The following PATE4 variants were observed in gnomAD, a reference collection of about 807,000 sequenced individuals.
PATE4 encodes the protein prostate and testis expressed 4.
A neutral mutation model predicts 8.5 loss-of-function variants in PATE4; 13 were observed. That is an observed-to-expected ratio of 1.53 (90% CI 1.00 to 2.43). The LOEUF (loss-of-function observed/expected upper bound fraction) is 2.43, where lower values mean the gene tolerates loss of function less well. Ranked by LOEUF, PATE4 falls within the 30% of genes most tolerant of loss-of-function variation. The probability of loss-of-function intolerance (pLI) is 0.00; values close to 1 mark genes in which losing one functional copy is unlikely to be tolerated. For synonymous variants in PATE4, 47 were observed against 39.3 expected (o/e 1.20, Z -0.73); for missense variants, 127 against 115.5 (o/e 1.10, Z -0.46).
At chr11:125,833,950 C>T (rs1943903796) in intron 1 of PATE4, among the ~76,000 whole-genome samples, 2 of 152,074 alleles carry the variant, frequency 1.3e-5, no homozygotes, top group Non-Finnish European at 2.9e-5. Context: ...CAAACACCTC[C>T]TACACTTGGA....
Position 125,838,413 on chromosome 11 carries a change from T to C in PATE4, c.283T>C (p.Cys95Arg), listed in dbSNP as rs1943936438. Residue 95 changes from cysteine to arginine, a missense_variant, in exon 3 of 3, where the codon TGT (cysteine) becomes CGT (arginine). Coordinates refer to ENST00000457514, the MANE Select transcript of PATE4 (RefSeq NM_001144874.1). ...GACACTGTGCTGTGACAGAAACTTC[T>C]GTAATGTCTTCTAATGGAGCTTAGG... The part of the protein sequence containing the change: ...RVTLCCDRNF[C>R]NVF The C allele has an allele frequency of 6.5e-7, 1 of 1,548,264 alleles. No individual in the cohort carries two copies. The highest frequency in any genetic ancestry group is 1.4e-5 in the African/African-American group (1 of 72,824).
chr11:125,838,189 CCCAGGAG>C, intron 2 of PATE4, 110 bp from the exon 3 acceptor site: 3 of 1,243,316 alleles, frequency 2.4e-6, no homozygotes, highest in Non-Finnish European at 3.3e-6. Context: ...GGAACATGAA[CCCAGGAG>C]CCGGGAAGGA....
chr11:125,833,726 C>T (rs1369768972), intron 1 of PATE4, among the ~76,000 whole-genome samples: 3 of 152,074 alleles, frequency 2.0e-5, no homozygotes, highest in African/African-American at 7.2e-5. Flanking sequence ...CCTAGTTTTC[C>T]TTTCCTCTGG....
rs1943939355 is a variant in PATE4, at chr11:125,838,795, G to A, written c.*368G>A. ...AAAGGGACTTTGAAAATGTGATTAA[G>A]GATCTTGAGAAGGGGAGGTTATCTT... On this transcript the variant is annotated 3_prime_UTR_variant, in exon 3 of 3. Coordinates refer to ENST00000457514, the MANE Select transcript of PATE4 (RefSeq NM_001144874.1). The A allele has an allele frequency of 5.5e-6, 1 of 180,904 alleles. No individual in the cohort carries two copies. The highest frequency in any genetic ancestry group is 1.1e-5 in the Non-Finnish European group (1 of 87,768). The allele number at this position is 180,904 out of a possible 1,614,324, so 11.2% of individuals were successfully genotyped here. A position where few individuals can be genotyped will look rare whatever the true frequency, so the allele number is the denominator to read the frequency against.
At chr11:125,837,738 A>T in intron 1 of PATE4, 130 bp from the exon 2 acceptor site, 1 of 597,044 alleles carries the variant, frequency 1.7e-6, no homozygotes, top group South Asian at 2.7e-5. Flanking sequence ...TTAATCAGGA[A>T]TTCCACAAAT....
At chr11:125,833,548 C>CAG in intron 1 of PATE4, 131 bp downstream of exon 1, 1 of 784,668 alleles carries the variant, frequency 1.3e-6, no homozygotes, top group East Asian at 2.7e-5. Context: ...TTCAGGATGT[C>CAG]AGAGAGATCA....
At chr11:125,837,323 C>T (rs552652236) in intron 1 of PATE4, among the ~76,000 whole-genome samples, 52 of 152,304 alleles carry the variant, frequency 3.4e-4, no homozygotes, top group African/African-American at 1.2e-3. Flanking sequence ...AAAGGCCAGA[C>T]CAAGCCAGAT....
chr11:125,839,357 A>G lies in PATE4; in HGVS notation c.*930A>G, dbSNP rs1344795596. Reference sequence around the variant, plus strand: ...ATGCTATGAATAAATGTGGAGATCAATTTGTGGATTTTAAACTTCATGACA... The same window carrying G: ...ATGCTATGAATAAATGTGGAGATCAGTTTGTGGATTTTAAACTTCATGACA... On this transcript the variant is annotated 3_prime_UTR_variant, in exon 3 of 3. Transcript: ENST00000457514. 6.6e-6 allele frequency: 1 copy of G among 152,340 alleles called. No individual in the cohort carries two copies. The highest frequency in any genetic ancestry group is 1.9e-4 in the East Asian group (1 of 5,180). The allele number at this position is 152,340 out of a possible 1,614,324, so 9.4% of individuals were successfully genotyped here.
At chr11:125,835,602 T>C (rs923140260) in intron 1 of PATE4, 1 of 152,176 alleles carries the variant, frequency 6.6e-6, no homozygotes, top group South Asian at 2.1e-4. Context: ...GAATATTTTT[T>C]GTGGGGGAAA....
chr11:125,837,355 C>A (rs1240423087), intron 1 of PATE4, among the ~76,000 whole-genome samples: 5 of 152,140 alleles, frequency 3.3e-5, no homozygotes, highest in Non-Finnish European at 5.9e-5. Flanking sequence ...AGGGTGTAAT[C>A]TCAGACAGTC....
chr11:125,835,599 T>A (rs1943914446), intron 1 of PATE4: 1 of 152,216 alleles, frequency 6.6e-6, no homozygotes, highest in African/African-American at 2.4e-5. Context: ...CTTGAATATT[T>A]TTTGTGGGGG....
chr11:125,834,102 T>A (rs768400786), intron 1 of PATE4, among the ~76,000 whole-genome samples: 1 of 152,154 alleles, frequency 6.6e-6, no homozygotes, highest in Non-Finnish European at 1.5e-5. Context: ...TGACACTTAG[T>A]AAGAAATAAT....
rs1047027319 is a variant in PATE4, at chr11:125,838,330, A to C, written c.200A>C (p.His67Pro). Residue 67 changes from histidine to proline, a missense_variant, in exon 3 of 3, where the codon CAT becomes CCT. By Grantham distance (77) the His-to-Pro change is moderately conservative. Transcript: ENST00000457514. ...FRGDKHMYST[H>P]MCKYKCREEE... ...GGAGACAAACATATGTACTCAACACATATGTGTAAGTATAAGTGCCGGGAA... is the reference window on the plus strand; with the variant it reads ...GGAGACAAACATATGTACTCAACACCTATGTGTAAGTATAAGTGCCGGGAA... 1.3e-6 allele frequency: 2 copies of C among 1,550,870 alleles called. No individual in the cohort carries two copies. Among genetic ancestry groups the C allele is most frequent in the Non-Finnish European group, 1.7e-6 (2 of 1,146,690 alleles).
At chr11:125,834,659 T>C (rs1352319187) in intron 1 of PATE4, among the ~76,000 whole-genome samples, 1 of 152,220 alleles carries the variant, frequency 6.6e-6, no homozygotes, top group African/African-American at 2.4e-5. Flanking sequence ...TTACTTTTTA[T>C]CCAGCAATTC....
chr11:125,835,053 A>G lies in PATE4; in HGVS notation c.58+1636A>G, dbSNP rs147528764. 7 of 152,338 alleles carry G rather than the reference A, an allele frequency of 4.6e-5. No individual in the cohort carries two copies. The East Asian group carries it at 1.3e-3, about 29-fold the overall frequency. The allele number at this position is 152,338 out of a possible 1,614,324, so 9.4% of individuals were successfully genotyped here. A position where few individuals can be genotyped will look rare whatever the true frequency, so the allele number is the denominator to read the frequency against. On this transcript the variant is annotated intron_variant, in intron 1 of 2. Transcript: ENST00000457514. ...GAGTGGGAGATCAACTTTACACAAC[A>G]TTCTTTTTCTATTACTTACTATTTA...
At position 125,837,944 on chromosome 11, in the gene PATE4, A is replaced by C. The variant is rs772476181; in HGVS notation, c.135A>C (p.Ala45=). The change falls in exon 2 of 3, where the codon GCA becomes GCC. Residue 45 remains alanine, a synonymous_variant. Coordinates refer to ENST00000457514, the MANE Select transcript of PATE4 (RefSeq NM_001144874.1). ...KCMAGRGTCI[A]KENELCSTTA... ...TGGCAGGCCGAGGCACTTGCATTGC[A>C]AAAGAAAATGAGTTATGTTCAACAA... 9.7e-6 allele frequency: 15 copies of C among 1,551,652 alleles called. No individual in the cohort carries two copies. The Middle Eastern group carries it at 5.0e-4, about 52-fold the overall frequency.
At chr11:125,838,258 A>G in intron 2 of PATE4, 48 bp from the exon 3 acceptor site, 1 of 1,494,844 alleles carries the variant, frequency 6.7e-7, no homozygotes, top group Non-Finnish European at 8.9e-7. Flanking sequence ...GTAAGTCACT[A>G]GTAAGGCAAT....
intron 2 of PATE4, 124 bp from the exon 3 acceptor site, chr11:125,838,182 A>G: frequency 2.5e-6 from 3 of 1,196,362 alleles, no homozygotes; most frequent in Non-Finnish European, 3.4e-6. Flanking sequence ...GCGATTGGGA[A>G]CATGAACCCA....
At position 125,840,021 on chromosome 11, in the gene PATE4, C is replaced by T. The variant is rs1261223933; in HGVS notation, c.*1594C>T. 2 of 152,124 alleles carry T rather than the reference C, an allele frequency of 1.3e-5. No individual in the cohort carries two copies. The highest frequency in any genetic ancestry group is 2.9e-5 in the Non-Finnish European group (2 of 68,022). The allele number at this position is 152,124 out of a possible 1,614,324, so 9.4% of individuals were successfully genotyped here. On this transcript the variant is annotated 3_prime_UTR_variant, in exon 3 of 3. Transcript: ENST00000457514. ...TATTCAGTCTTTAACCTATGTGAAGCCACCTTTGTAATACTGCCTTAAGTA... is the reference window on the plus strand; with the variant it reads ...TATTCAGTCTTTAACCTATGTGAAGTCACCTTTGTAATACTGCCTTAAGTA...
Sources: allele counts gnomAD v4.1 joint callset (sites outside exome capture counted in the v4.1 genomes callset), GRCh38; gene constraint gnomAD v4.1.1; transcripts MANE v1.5; gene names NCBI Gene and HGNC (gene_info 2026-07-23, HGNC 2026-07-21).